The following VWA5B1 variants were observed in gnomAD, a reference collection of about 807,000 sequenced individuals.
The protein encoded by VWA5B1 is von Willebrand factor A domain containing 5B1, also known as von Willebrand factor A domain-containing protein 5B1.
In VWA5B1, 115 loss-of-function variants were observed where a neutral mutation model predicts 118.2. The observed-to-expected ratio is 0.97, with a 90% CI of 0.84 to 1.14. The LOEUF (loss-of-function observed/expected upper bound fraction) is 1.14, where lower values mean the gene tolerates loss of function less well. Ranked by LOEUF, VWA5B1 falls within the 50% of genes most tolerant of loss-of-function variation. VWA5B1 has a pLI of 0.00. For synonymous variants in VWA5B1, 682 were observed against 658.4 expected, an observed-to-expected ratio of 1.04 and a Z score of -0.55; for missense variants, 1,596 against 1,603.8, an observed-to-expected ratio of 1.00 and a Z score of 0.08.
chr1:20,305,854 C>G lies in VWA5B1; in HGVS notation c.-26-4722C>G, dbSNP rs182016553. On this transcript the variant is annotated intron_variant, in intron 1 of 21. Transcript: ENST00000289815. Reference sequence around the variant, plus strand: ...TCCATAGCTTCTCTGTGGAGCCGCCCCTGACCTCATGGCCAGAGGATATCT... The same window carrying G: ...TCCATAGCTTCTCTGTGGAGCCGCCGCTGACCTCATGGCCAGAGGATATCT... Among the ~76,000 whole-genome samples, 5 of 152,058 alleles carry G rather than the reference C, an allele frequency of 3.3e-5. No homozygotes were observed. The East Asian group carries it at 9.7e-4, about 30-fold the overall frequency.
At chr1:20,302,813 C>G (rs1032493848) in intron 1 of VWA5B1, among the ~76,000 whole-genome samples, 2 of 152,076 alleles carry the variant, frequency 1.3e-5, no homozygotes, top group Non-Finnish European at 2.9e-5. Context: ...GTGGAGACAG[C>G]ATTCCTGGCA....
intron 7 of VWA5B1, among the ~76,000 whole-genome samples, chr1:20,321,352 C>T (rs926615143): frequency 1.1e-4 from 16 of 152,052 alleles, no homozygotes; most frequent in Non-Finnish European, 1.6e-4. Flanking sequence ...TCTGGGAGGC[C>T]GAGACAGGTG....
Position 20,350,858 on chromosome 1 carries a change from TC to T in VWA5B1, c.2959del (p.Gln987SerfsTer12). The T allele has an allele frequency of 6.4e-7, 1 of 1,551,740 alleles. No individual in the cohort carries two copies. ...CTTGGTCATTCTGTGGCTCTCCAGG[TC>T]CCCAGCGCAGCCTGGCTACAAATAC... ...GREKHGASEGPQRSLATNTLS... is the reference protein window; with the variant it reads ...GREKHGASEGXQRSLATNTLS... On this transcript the variant is annotated frameshift_variant and splice_region_variant, in exon 20 of 22. Coordinates refer to ENST00000289815, the MANE Select transcript of VWA5B1 (RefSeq NM_001039500.3). LOFTEE classifies it high-confidence loss of function.
Position 20,356,183 on chromosome 1 carries a change from A to G in VWA5B1, c.*1920A>G, listed in dbSNP as rs570704242. ...CAGGGTAAGGGTGGCCGGGGGTGGCATCTACTTCCTGGACCACAAGTAATG... is the reference window on the plus strand; with the variant it reads ...CAGGGTAAGGGTGGCCGGGGGTGGCGTCTACTTCCTGGACCACAAGTAATG... On this transcript the variant is annotated 3_prime_UTR_variant, in exon 22 of 22. Coordinates refer to ENST00000289815, the MANE Select transcript of VWA5B1 (RefSeq NM_001039500.3). Among the ~76,000 whole-genome samples, 1 of 152,282 alleles carries G rather than the reference A, an allele frequency of 6.6e-6. No individual in the cohort carries two copies. The highest frequency in any genetic ancestry group is 1.9e-4 in the East Asian group (1 of 5,178).
Position 20,312,997 on chromosome 1 carries a change from A to C in VWA5B1, c.292+9A>C, listed in dbSNP as rs920176868. On this transcript the variant is annotated intron_variant, in intron 3 of 21. Transcript: ENST00000289815. Reference sequence around the variant, plus strand: ...ATCCCCAACAGTCACAGGTAAGGAGACCAGAAGGGCTGCCGCGGGACCTGG... The same window carrying C: ...ATCCCCAACAGTCACAGGTAAGGAGCCCAGAAGGGCTGCCGCGGGACCTGG... The C allele has an allele frequency of 1.3e-6, 2 of 1,550,198 alleles. No homozygotes were observed. The highest frequency in any genetic ancestry group is 3.9e-5 in the Admixed American group (2 of 50,900).
Position 20,300,752 on chromosome 1 carries a change from A to G in VWA5B1, c.-27+9664A>G, listed in dbSNP as rs115798794. Among the ~76,000 whole-genome samples, 490 of 152,282 alleles carry G rather than the reference A, an allele frequency of 3.2e-3. 1 individual carries two copies. Among genetic ancestry groups the G allele is most frequent in the African/African-American group, 0.011 (472 of 41,552 alleles). On this transcript the variant is annotated intron_variant, in intron 1 of 21. Transcript: ENST00000289815. Reference sequence around the variant, plus strand: ...ATGTGTTAGCTGATATTTTTTGAAAACTGTTTTAGGCACCGTTCCATGTGC... The same window carrying G: ...ATGTGTTAGCTGATATTTTTTGAAAGCTGTTTTAGGCACCGTTCCATGTGC...
intron 19 of VWA5B1, 83 bp from the exon 20 acceptor site, chr1:20,350,774 G>A (rs1184808656): frequency 6.0e-6 from 8 of 1,336,740 alleles, no homozygotes; most frequent in Non-Finnish European, 7.4e-6. Flanking sequence ...CCCCTCTCTA[G>A]GCCTCTGTTC....
chr1:20,337,398 G>A (rs2089748479), intron 13 of VWA5B1, among the ~76,000 whole-genome samples: 1 of 152,132 alleles, frequency 6.6e-6, no homozygotes, highest in Non-Finnish European at 1.5e-5. Flanking sequence ...ACAGAGCTGG[G>A]ATTACAGACG....
At chr1:20,308,544 C>T (rs2088739927) in intron 1 of VWA5B1, among the ~76,000 whole-genome samples, 1 of 152,184 alleles carries the variant, frequency 6.6e-6, no homozygotes, top group South Asian at 2.1e-4. Context: ...AGGCCGCCAT[C>T]TTGTCCAGCA....
chr1:20,314,241 A>G (rs2088932844), intron 3 of VWA5B1, 81 bp from the exon 4 acceptor site: 1 of 1,425,976 alleles, frequency 7.0e-7, no homozygotes, highest in East Asian at 2.5e-5. Context: ...AAAATGGGCC[A>G]CTCACACTTA....
At chr1:20,315,960 G>A (rs1359593694) in intron 4 of VWA5B1, among the ~76,000 whole-genome samples, 2 of 152,182 alleles carry the variant, frequency 1.3e-5, no homozygotes, top group African/African-American at 4.8e-5. Context: ...GTGGATCAGG[G>A]AACAAGAGGC....
At position 20,354,865 on chromosome 1, in the gene VWA5B1, A is replaced by C. The variant is rs2090202482; in HGVS notation, c.*602A>C. 1 of 152,546 alleles carries C rather than the reference A, an allele frequency of 6.6e-6. No homozygotes were observed. Among genetic ancestry groups the C allele is most frequent in the Non-Finnish European group, 1.5e-5 (1 of 68,364 alleles). 9.4% of individuals were successfully genotyped at this position (152,546 alleles called of 1,614,324 possible). On this transcript the variant is annotated 3_prime_UTR_variant, in exon 22 of 22. Transcript: ENST00000289815. ...GGAGAAGCATCCTTCTCAACGCTTT[A>C]CAAAAGAGTAGTTTGGGGGCCTTTT...
At chr1:20,311,372 A>G (rs2088843538) in intron 2 of VWA5B1, among the ~76,000 whole-genome samples, 2 of 152,242 alleles carry the variant, frequency 1.3e-5, no homozygotes, top group African/African-American at 4.8e-5. Flanking sequence ...AGACTCAGTC[A>G]AAGCCAGGAG....
intron 1 of VWA5B1, among the ~76,000 whole-genome samples, chr1:20,295,794 C>T (rs150812763): frequency 5.3e-5 from 8 of 152,136 alleles, no homozygotes; most frequent in Non-Finnish European, 1.0e-4. Context: ...TAGTGTCCCC[C>T]CTTCCTTATT....
chr1:20,346,133 A>C (rs1309074564), intron 17 of VWA5B1, among the ~76,000 whole-genome samples: 4 of 152,256 alleles, frequency 2.6e-5, no homozygotes, highest in Admixed American at 2.6e-4. Flanking sequence ...TTTTAATAGC[A>C]TATTCCTCTG....
chr1:20,351,992 A>C (rs1263865126), intron 20 of VWA5B1, 63 bp from the exon 21 acceptor site: 15 of 1,328,748 alleles, frequency 1.1e-5, no homozygotes, highest in Non-Finnish European at 1.6e-5. Context: ...CCTGACTTTC[A>C]GGGGCTTCTG....
chr1:20,300,500 T>C (rs1488861282), intron 1 of VWA5B1, among the ~76,000 whole-genome samples: 4 of 152,130 alleles, frequency 2.6e-5, no homozygotes, highest in South Asian at 2.1e-4. Context: ...CAAATAAGTA[T>C]AGAGGGTGAT....
chr1:20,292,674 G>T (rs181036092), intron 1 of VWA5B1, among the ~76,000 whole-genome samples: 82 of 152,336 alleles, frequency 5.4e-4, no homozygotes, highest in African/African-American at 1.9e-3. Flanking sequence ...CACATGCAGA[G>T]AATTGTGAGT....
intron 4 of VWA5B1, 38 bp from the exon 5 acceptor site, chr1:20,317,492 C>G (rs967397206): frequency 7.7e-5 from 119 of 1,546,602 alleles, no homozygotes; most frequent in Non-Finnish European, 1.0e-4. Flanking sequence ...TTCTTCCACC[C>G]TGGCTGGTCT....
Sources: allele counts gnomAD v4.1 joint callset (sites outside exome capture counted in the v4.1 genomes callset), GRCh38; gene constraint gnomAD v4.1.1; transcripts MANE v1.5; gene names NCBI Gene and HGNC (gene_info 2026-07-23, HGNC 2026-07-21).